The following NFIC variants were observed in gnomAD, a reference collection of about 807,000 sequenced individuals.
NFIC encodes nuclear factor 1 C-type.
Under a neutral mutation model 54.4 loss-of-function variants are expected in NFIC, and 12 were observed. The observed-to-expected ratio is 0.22, with a 90% CI of 0.14 to 0.36. NFIC has a LOEUF of 0.36. NFIC is among the 10% of genes least tolerant of loss of function. The probability of loss-of-function intolerance (pLI) is 1.00; values close to 1 mark genes in which losing one functional copy is unlikely to be tolerated. For synonymous variants in NFIC, 322 were observed against 319.2 expected, an observed-to-expected ratio of 1.01 and a Z score of -0.09; for missense variants, 575 against 718.2, an observed-to-expected ratio of 0.80 and a Z score of 2.28.
At chr19:3,414,580 G>A (rs1182652303) in intron 2 of NFIC, among the ~76,000 whole-genome samples, 2 of 150,000 alleles carry the variant, frequency 1.3e-5, no homozygotes, top group Non-Finnish European at 2.9e-5. Context: ...GGGAGACGGG[G>A]CGAGACTGCA....
chr19:3,422,774 C>A (rs1473870198), intron 2 of NFIC, among the ~76,000 whole-genome samples: 2 of 151,900 alleles, frequency 1.3e-5, no homozygotes, highest in Non-Finnish European at 2.9e-5. Flanking sequence ...GTCTTGGAGA[C>A]AGTACTTGGC....
Position 3,452,731 on chromosome 19 carries a change from TGC to T in NFIC, c.1269+66_1269+67del. 1 of 1,517,514 alleles carries T rather than the reference TGC, an allele frequency of 6.6e-7. No individual in the cohort carries two copies. The highest frequency in any genetic ancestry group is 8.8e-7 in the Non-Finnish European group (1 of 1,134,086). The allele number at this position is 1,517,514 out of a possible 1,614,324, so 94.0% of individuals were successfully genotyped here. ...TCCAGGTGACCTCCCGGGGGCCACGTGCTCACACGAAGGCACAACCTCTGCTT... is the reference window on the plus strand; with the variant it reads ...TCCAGGTGACCTCCCGGGGGCCACGTTCACACGAAGGCACAACCTCTGCTT... On this transcript the variant is annotated intron_variant, in intron 8 of 10. Transcript: ENST00000443272. This position sits in a 1 kb window ranked among gnomAD's most constrained non-coding sequence, Gnocchi z 5.3.
At chr19:3,443,301 A>G (rs1027131389) in intron 6 of NFIC, among the ~76,000 whole-genome samples, 3 of 151,970 alleles carry the variant, frequency 2.0e-5, no homozygotes, top group African/African-American at 7.3e-5. Flanking sequence ...GTGTGCCTGT[A>G]GTCCCAGCTA....
intron 6 of NFIC, among the ~76,000 whole-genome samples, chr19:3,444,750 C>G (rs1469222433): frequency 6.6e-6 from 1 of 152,210 alleles, no homozygotes; most frequent in Admixed American, 6.5e-5. Flanking sequence ...TCTGACAACC[C>G]TAACCTCGTT....
intron 1 of NFIC, among the ~76,000 whole-genome samples, chr19:3,380,306 GTTCTT>G (rs2081183739): frequency 1.1e-5 from 1 of 88,944 alleles, no homozygotes; most frequent in African/African-American, 5.3e-5. Context: ...GCCCAGCCTT[GTTCTT>G]TTTTTTTTTT....
At chr19:3,364,018 G>A (rs965873536), upstream of NFIC, among the ~76,000 whole-genome samples, 2 of 152,174 alleles carry the variant, frequency 1.3e-5, no homozygotes, top group African/African-American at 4.8e-5. Context: ...TTACTAAACC[G>A]GTCCCCCACA....
rs142422338 is a variant in NFIC, at chr19:3,381,501, T to C, written c.31-211T>C. On this transcript the variant is annotated intron_variant, in intron 1 of 10. Transcript: ENST00000443272. ...CATCTGGGCGATGGGTTCTTGCAGG[T>C]CCCTGATAAACTTCTCCTGGGTCCC... Among the ~76,000 whole-genome samples the C allele has an allele frequency of 3.9e-5, 6 of 152,114 alleles. No individual in the cohort carries two copies. The East Asian group carries it at 1.2e-3, about 29-fold the overall frequency.
At chr19:3,408,993 A>G (rs1238069001) in intron 2 of NFIC, among the ~76,000 whole-genome samples, 2 of 152,086 alleles carry the variant, frequency 1.3e-5, no homozygotes, top group Non-Finnish European at 2.9e-5. Context: ...CAGCCTCCCA[A>G]AGTGCTGGAA....
Position 3,462,822 on chromosome 19 carries a change from C to T in NFIC, c.*53C>T. 6 of 1,613,192 alleles carry T rather than the reference C, an allele frequency of 3.7e-6. No homozygotes were observed. The highest frequency in any genetic ancestry group is 5.1e-6 in the Non-Finnish European group (6 of 1,179,782). On this transcript the variant is annotated 3_prime_UTR_variant, in exon 11 of 11. Transcript: ENST00000443272. ...CCATCGTCCCAGGAATCCCAGGGGG[C>T]AGCACAGCCGGCCCCCGGCCCACGT...
At chr19:3,460,604 C>T (rs536399671) in intron 10 of NFIC, among the ~76,000 whole-genome samples, 5 of 152,246 alleles carry the variant, frequency 3.3e-5, no homozygotes, top group South Asian at 4.1e-4. Context: ...ACCTCCGCCC[C>T]CTGGATTCAG....
At chr19:3,451,002 A>T (rs975938488) in intron 7 of NFIC, among the ~76,000 whole-genome samples, 1 of 152,256 alleles carries the variant, frequency 6.6e-6, no homozygotes, top group Non-Finnish European at 1.5e-5. Context: ...AAAGCCAAAA[A>T]TATTTACTAT....
At chr19:3,454,162 G>A (rs2082514695) in intron 9 of NFIC, 1 of 1,268,938 alleles carries the variant, frequency 7.9e-7, no homozygotes, top group Admixed American at 4.3e-5. Context: ...CCTTCGCCGA[G>A]TCACCTGGGG....
At chr19:3,396,729 G>T (rs1027304678) in intron 2 of NFIC, among the ~76,000 whole-genome samples, 1 of 152,238 alleles carries the variant, frequency 6.6e-6, no homozygotes, top group African/African-American at 2.4e-5. Flanking sequence ...GCCAAGGTGG[G>T]TGGATCACCT....
intron 5 of NFIC, 157 bp from the exon 6 acceptor site, chr19:3,434,926 A>G: frequency 2.0e-6 from 2 of 990,190 alleles, no homozygotes; most frequent in Non-Finnish European, 2.9e-6. Flanking sequence ...AGGCGTTCGT[A>G]GGGAACGGGC....
chr19:3,463,054 C>T lies in NFIC; in HGVS notation c.*285C>T. ...CTCTCGGGACGCCAAGGCCGCAGGA[C>T]TGGAGGGCCAGGCCCCGCCACCCCC... On this transcript the variant is annotated 3_prime_UTR_variant, in exon 11 of 11. Transcript: ENST00000443272. 2 of 1,334,484 alleles carry T rather than the reference C, an allele frequency of 1.5e-6. No homozygotes were observed. Among genetic ancestry groups the T allele is most frequent in the Non-Finnish European group, 1.9e-6 (2 of 1,045,740 alleles). 82.7% of individuals were successfully genotyped at this position (1,334,484 alleles called of 1,614,324 possible). A position where few individuals can be genotyped will look rare whatever the true frequency, so the allele number is the denominator to read the frequency against.
chr19:3,433,352 C>T (rs975882540), intron 3 of NFIC, among the ~76,000 whole-genome samples, 166 bp from the exon 4 acceptor site: 2 of 152,228 alleles, frequency 1.3e-5, no homozygotes, highest in African/African-American at 4.8e-5. Context: ...GGACCCCCCA[C>T]GGGGCCTTCC....
intron 2 of NFIC, among the ~76,000 whole-genome samples, chr19:3,392,197 G>T (rs1253754930): frequency 6.8e-6 from 1 of 146,172 alleles, no homozygotes; most frequent in Non-Finnish European, 1.5e-5. Context: ...TCAACCTCCC[G>T]AATAGCTGGG....
chr19:3,443,816 C>G (rs1003955209), intron 6 of NFIC, among the ~76,000 whole-genome samples: 1 of 152,130 alleles, frequency 6.6e-6, no homozygotes, highest in Non-Finnish European at 1.5e-5. Flanking sequence ...TCAGGATGGC[C>G]CCACCCTAGA....
At chr19:3,379,007 C>T (rs544101522) in intron 1 of NFIC, among the ~76,000 whole-genome samples, 1 of 152,272 alleles carries the variant, frequency 6.6e-6, no homozygotes, top group African/African-American at 2.4e-5. Context: ...TCAGCCAGGC[C>T]TGTCTGTACA....
Sources: gnomAD v4.1 joint callset for allele counts (sites outside exome capture counted in the v4.1 genomes callset) on GRCh38, gnomAD v4.1.1 for gene constraint, Gnocchi (gnomAD v3.1) non-coding constraint, MANE v1.5 for transcripts, NCBI Gene and HGNC (gene_info 2026-07-23, HGNC 2026-07-21) for gene names.